The following PGPEP1L variants were observed in gnomAD, a reference collection of about 807,000 sequenced individuals.
PGPEP1L encodes pyroglutamyl-peptidase 1-like protein.
In PGPEP1L, 7 loss-of-function variants were observed where a neutral mutation model predicts 6.0. That is an observed-to-expected ratio of 1.17 (90% CI 0.66 to 2.19). The LOEUF is 2.19. Ranked by LOEUF, PGPEP1L falls within the 30% of genes most tolerant of loss-of-function variation. PGPEP1L has a pLI of 0.00. For synonymous variants in PGPEP1L, 103 were observed against 83.9 expected, an observed-to-expected ratio of 1.23 and a Z score of -1.24; for missense variants, 209 against 192.5, an observed-to-expected ratio of 1.09 and a Z score of -0.51.
At chr15:98,999,179 T>C (rs1040770131) in intron 2 of PGPEP1L, among the ~76,000 whole-genome samples, 11 of 152,120 alleles carry the variant, frequency 7.2e-5, no homozygotes, top group African/African-American at 2.4e-4. Context: ...ATGGAGAAAA[T>C]AGTTGCAAAT....
chr15:98,998,366 ACAT>A (rs2017916448), intron 2 of PGPEP1L, among the ~76,000 whole-genome samples: 1 of 152,128 alleles, frequency 6.6e-6, no homozygotes, highest in Admixed American at 6.6e-5. Context: ...CAGAGTCCTC[ACAT>A]GTGAGGCATT....
intron 2 of PGPEP1L, among the ~76,000 whole-genome samples, chr15:98,979,642 T>C (rs1342451960): frequency 3.5e-5 from 1 of 28,426 alleles, no homozygotes; most frequent in East Asian, 1.2e-3. Context: ...TCTTTTTTTT[T>C]TTTTTTTTTT....
At chr15:98,971,859 CATAA>C (rs2017502111) in intron 2 of PGPEP1L, among the ~76,000 whole-genome samples, 1 of 152,150 alleles carries the variant, frequency 6.6e-6, no homozygotes, top group Admixed American at 6.5e-5. Flanking sequence ...AGATAGGCAA[CATAA>C]AAAGATAAAA....
chr15:99,004,536 G>A (rs2018020282), intron 2 of PGPEP1L, among the ~76,000 whole-genome samples: 1 of 152,094 alleles, frequency 6.6e-6, no homozygotes, highest in Admixed American at 6.6e-5. Context: ...TGGCCAACAT[G>A]GTGAAACCCC....
intron 2 of PGPEP1L, among the ~76,000 whole-genome samples, chr15:98,972,713 T>C (rs937372624): frequency 1.3e-5 from 2 of 150,930 alleles, no homozygotes; most frequent in African/African-American, 4.9e-5. Context: ...CTACTAAAAA[T>C]ACAAAAAATT....
chr15:98,975,461 G>A (rs182936340), intron 2 of PGPEP1L, among the ~76,000 whole-genome samples: 12 of 152,284 alleles, frequency 7.9e-5, no homozygotes, highest in African/African-American at 2.4e-4. Flanking sequence ...AAAATAGCTC[G>A]AAGAGATTTA....
chr15:99,005,189 C>T (rs1262185798), intron 2 of PGPEP1L, among the ~76,000 whole-genome samples: 8 of 152,298 alleles, frequency 5.3e-5, no homozygotes, highest in Admixed American at 2.6e-4. Context: ...CCTTCGTGCC[C>T]GCCACTCGAG....
chr15:98,986,898 G>A (rs1555471533), intron 2 of PGPEP1L, among the ~76,000 whole-genome samples: 1 of 152,110 alleles, frequency 6.6e-6, no homozygotes, highest in East Asian at 1.9e-4. Flanking sequence ...GCTGGGCATG[G>A]TGGCTCACAC....
rs1596516016 is a variant in PGPEP1L at position 98,980,025 on chromosome 15, A to T, written c.-141-8867T>A. On this transcript the variant is annotated intron_variant, in intron 2 of 4. Coordinates refer to ENST00000535714, the MANE Select transcript of PGPEP1L (RefSeq NM_001167902.2). ...AAGAATGATACAATGGACACTGGGG[A>T]CTCGATGGGAAAGGGTGGGAAGCAG... Among the ~76,000 whole-genome samples the T allele has an allele frequency of 2.6e-5, 4 of 152,194 alleles. No homozygotes were observed. The South Asian group carries it at 8.3e-4, about 32-fold the overall frequency.
intron 1 of PGPEP1L, 102 bp from the exon 2 acceptor site, chr15:99,005,758 G>A (rs2018047531): frequency 6.6e-6 from 1 of 152,458 alleles, no homozygotes; most frequent in South Asian, 2.1e-4. Flanking sequence ...TTTGAGTCTG[G>A]GTCACTTTGT....
chr15:98,988,721 A>G (rs2017781554), intron 2 of PGPEP1L, among the ~76,000 whole-genome samples: 1 of 152,186 alleles, frequency 6.6e-6, no homozygotes, highest in African/African-American at 2.4e-5. Flanking sequence ...AGGGGCCGAC[A>G]GACACCTCAT....
At chr15:98,987,669 C>T (rs1317714980) in intron 2 of PGPEP1L, among the ~76,000 whole-genome samples, 1 of 152,160 alleles carries the variant, frequency 6.6e-6, no homozygotes, top group African/African-American at 2.4e-5. Flanking sequence ...ACATACTCTA[C>T]TTCTACTCTT....
chr15:98,987,165 C>CAAAAAAAAAAAAAAAAAAAAA (rs57923635), intron 2 of PGPEP1L, among the ~76,000 whole-genome samples: 3 of 33,396 alleles, frequency 9.0e-5, no homozygotes, highest in African/African-American at 1.1e-4. Context: ...GACTCCATCT[C>CAAAAAAAAAAAAAAAAAAAAA]AAAAAAAAAA....
intron 2 of PGPEP1L, among the ~76,000 whole-genome samples, chr15:98,991,355 T>C (rs781939379): frequency 6.6e-6 from 1 of 152,078 alleles, no homozygotes; most frequent in Non-Finnish European, 1.5e-5. Flanking sequence ...CTAGAAAATA[T>C]AGAAGAAATG....
chr15:98,990,501 C>G (rs2017804742), intron 2 of PGPEP1L, among the ~76,000 whole-genome samples: 1 of 152,134 alleles, frequency 6.6e-6, no homozygotes, highest in African/African-American at 2.4e-5. Flanking sequence ...TGGACTCCCA[C>G]ACAATAATAG....
intron 2 of PGPEP1L, among the ~76,000 whole-genome samples, chr15:99,000,684 T>TG (rs1229224578): frequency 6.6e-6 from 1 of 152,016 alleles, no homozygotes; most frequent in Non-Finnish European, 1.5e-5. Context: ...ACTAATCTAG[T>TG]GGGGAACTTT....
In PGPEP1L at chr15:98,978,267, C is replaced by T. The variant is rs1440408522; in HGVS notation, c.-141-7109G>A. ...TGAGCACTAGGGCCCAGAGTGGAACCCGAAACTGGGAGAGTCGGGGCACCC... is the reference window on the plus strand; with the variant it reads ...TGAGCACTAGGGCCCAGAGTGGAACTCGAAACTGGGAGAGTCGGGGCACCC... On this transcript the variant is annotated intron_variant, in intron 2 of 4. Transcript: ENST00000535714. 2.6e-5 allele frequency among the ~76,000 whole-genome samples: 4 copies of T among 152,170 alleles called. No individual in the cohort carries two copies. The South Asian group carries it at 8.3e-4, about 32-fold the overall frequency.
chr15:98,980,190 A>C (rs7168370), intron 2 of PGPEP1L, among the ~76,000 whole-genome samples: 2 of 152,034 alleles, frequency 1.3e-5, no homozygotes, highest in African/African-American at 2.4e-5. Flanking sequence ...AAAATAAAGA[A>C]TAAATAAATG....
chr15:98,991,873 G>T (rs1322484840), intron 2 of PGPEP1L, among the ~76,000 whole-genome samples: 1 of 152,164 alleles, frequency 6.6e-6, no homozygotes, highest in African/African-American at 2.4e-5. Context: ...CTCAATAGAT[G>T]CAGAAAAGTC....
Sources: allele counts gnomAD v4.1 joint callset (sites outside exome capture counted in the v4.1 genomes callset), GRCh38; gene constraint gnomAD v4.1.1; transcripts MANE v1.5; gene names NCBI Gene and HGNC (gene_info 2026-07-23, HGNC 2026-07-21).